Variants in TMEM71 observed in about 807,000 individuals in gnomAD.
TMEM71 encodes transmembrane protein 71.
In TMEM71, 44 loss-of-function variants were observed where a neutral mutation model predicts 38.0. The observed-to-expected ratio is 1.16, with a 90% CI of 0.91 to 1.49. The LOEUF is 1.49. Among genes scored for constraint, TMEM71 ranks in the 40% most tolerant of loss-of-function variants. The pLI is 0.00. For missense variants in TMEM71, 367 were observed against 348.6 expected (o/e 1.05, Z -0.42); for synonymous variants, 133 against 122.5 (o/e 1.09, Z -0.56).
chr8:132,706,555 A>G (rs1407892742), downstream of TMEM71, among the ~76,000 whole-genome samples: 1 of 152,174 alleles, frequency 6.6e-6, no homozygotes, highest in East Asian at 1.9e-4. Context: ...TGGAAGTTGG[A>G]GGGTGTGCCT....
chr8:132,745,438 C>A (rs1415184871), intron 5 of TMEM71, among the ~76,000 whole-genome samples: 3 of 152,148 alleles, frequency 2.0e-5, no homozygotes, highest in Non-Finnish European at 4.4e-5. Context: ...TTCATCATCA[C>A]TAATCATAGA....
chr8:132,738,435 A>C (rs746861804), intron 5 of TMEM71, among the ~76,000 whole-genome samples: 3 of 152,102 alleles, frequency 2.0e-5, no homozygotes, highest in Non-Finnish European at 4.4e-5. Context: ...TACCTTGGAA[A>C]ATATTCTTTA....
intron 4 of TMEM71, among the ~76,000 whole-genome samples, chr8:132,749,154 C>CCTCCACCAATGTAAGAACCT: frequency 6.6e-6 from 1 of 152,134 alleles, no homozygotes; most frequent in African/African-American, 2.4e-5. Context: ...AAGGAGGGTG[C>CCTCCACCAATGTAAGAACCT]CTAACCAATG....
Position 132,756,411 on chromosome 8 carries a change from T to TATATA in TMEM71, c.101+822_101+823insTATAT, listed in dbSNP as rs1554619985. On this transcript the variant is annotated intron_variant, in intron 3 of 9. Coordinates refer to ENST00000677595, the MANE Select transcript of TMEM71 (RefSeq NM_001382403.1). Reference sequence around the variant, plus strand: ...CCATATATTGACACTAACATATATATTATATATATATATATATATATATAT... The same window carrying TATATA: ...CCATATATTGACACTAACATATATATATATATATATATATATATATATATATATAT... 1.3e-3 allele frequency among the ~76,000 whole-genome samples: 148 copies of TATATA among 115,810 alleles called. No individual in the cohort carries two copies. In the Middle Eastern group the frequency reaches 0.027, roughly 21 times the overall value. The allele number at this position is 115,810 out of a possible 152,430, so 76.0% of individuals were successfully genotyped here. A position where few individuals can be genotyped will look rare whatever the true frequency, so the allele number is the denominator to read the frequency against.
chr8:132,749,753 C>A (rs1050423558), intron 4 of TMEM71, among the ~76,000 whole-genome samples: 1 of 152,180 alleles, frequency 6.6e-6, no homozygotes, highest in Non-Finnish European at 1.5e-5. Context: ...CAGTGGCTCA[C>A]ACCTGTAATC....
chr8:132,765,159 C>T (rs901222420), upstream of TMEM71, among the ~76,000 whole-genome samples: 1 of 152,158 alleles, frequency 6.6e-6, no homozygotes, highest in Non-Finnish European at 1.5e-5. Context: ...CCAAGTGAAC[C>T]TACATTTCTC....
chr8:132,707,767 A>C (rs1471920657), downstream of TMEM71, among the ~76,000 whole-genome samples: 1 of 152,208 alleles, frequency 6.6e-6, no homozygotes. Context: ...AGACTAAAAC[A>C]AGGCATTTGC....
intron 6 of TMEM71, among the ~76,000 whole-genome samples, chr8:132,724,253 G>T (rs1156302458): frequency 6.6e-6 from 1 of 152,126 alleles, no homozygotes; most frequent in African/African-American, 2.4e-5. Flanking sequence ...ACCAGGGCTG[G>T]GGTTTCCCAA....
chr8:132,750,559 G>A (rs1828650778), intron 4 of TMEM71, among the ~76,000 whole-genome samples: 1 of 152,078 alleles, frequency 6.6e-6, no homozygotes, highest in African/African-American at 2.4e-5. Flanking sequence ...ACCTAGTTCA[G>A]ACTAAACCAA....
intron 7 of TMEM71, 33 bp downstream of exon 7, chr8:132,722,007 A>T: frequency 1.3e-6 from 2 of 1,565,176 alleles, no homozygotes; most frequent in Non-Finnish European, 1.8e-6. Flanking sequence ...CTAATTATGA[A>T]ATACCGCTGC....
chr8:132,766,286 T>C, the TMEM71 span, among the ~76,000 whole-genome samples: 4 of 151,588 alleles, frequency 2.6e-5, no homozygotes, highest in Non-Finnish European at 5.9e-5. Context: ...CATATTTCCT[T>C]GGTCAAAGCA....
upstream of TMEM71, among the ~76,000 whole-genome samples, chr8:132,762,801 G>T (rs56771240): frequency 0.082 from 12,547 of 152,150 alleles, 748 homozygotes; most frequent in East Asian, 0.31. Context: ...CATATCCAAC[G>T]TGTGTCAGCA....
upstream of TMEM71, chr8:132,760,770 C>T (rs557085191): frequency 1.3e-5 from 2 of 152,320 alleles, no homozygotes; most frequent in African/African-American, 4.8e-5. Flanking sequence ...GAATGTGCAG[C>T]CCATGTGTCA....
chr8:132,764,409 C>G (rs1352463777), upstream of TMEM71, among the ~76,000 whole-genome samples: 1 of 152,096 alleles, frequency 6.6e-6, no homozygotes, highest in Non-Finnish European at 1.5e-5. Context: ...AATGACCTCT[C>G]CAATAGAATA....
At chr8:132,744,937 C>G (rs755174656) in intron 5 of TMEM71, among the ~76,000 whole-genome samples, 27 of 152,282 alleles carry the variant, frequency 1.8e-4, no homozygotes, top group Non-Finnish European at 3.1e-4. Context: ...GGAAAGGACT[C>G]TCTATCCAAT....
chr8:132,722,209 C>CAACAAAA, intron 6 of TMEM71, 94 bp from the exon 7 acceptor site: 1 of 626,944 alleles, frequency 1.6e-6, no homozygotes, highest in Admixed American at 3.4e-5. Flanking sequence ...TTGTACCCAC[C>CAACAAAA]AAAAAAAAAA....
intron 4 of TMEM71, among the ~76,000 whole-genome samples, chr8:132,750,953 T>C (rs1828674943): frequency 6.6e-6 from 1 of 152,208 alleles, no homozygotes; most frequent in African/African-American, 2.4e-5. Flanking sequence ...TGTTTCATCA[T>C]TGCTATCACA....
At chr8:132,757,825 CAAA>C (rs56859505) in intron 2 of TMEM71, among the ~76,000 whole-genome samples, 30,344 of 107,254 alleles carry the variant, frequency 0.28, 3,403 homozygotes, top group Admixed American at 0.36. Flanking sequence ...GATTCTGTCT[CAAA>C]AAAAAAAAAA....
chr8:132,774,426 T>A, the TMEM71 span, among the ~76,000 whole-genome samples: 1 of 152,250 alleles, frequency 6.6e-6, no homozygotes, highest in Non-Finnish European at 1.5e-5. Flanking sequence ...ATTAGTGACT[T>A]AGTAGATGCT....
Sources: gnomAD v4.1 joint callset for allele counts (sites outside exome capture counted in the v4.1 genomes callset) on GRCh38, gnomAD v4.1.1 for gene constraint, MANE v1.5 for transcripts, NCBI Gene and HGNC (gene_info 2026-07-23, HGNC 2026-07-21) for gene names.